Variants in KCTD1 observed in about 807,000 individuals in gnomAD.
KCTD1 encodes BTB/POZ domain-containing protein KCTD1.
In KCTD1, 24 loss-of-function variants were observed where a neutral mutation model predicts 66.0. The observed-to-expected ratio is 0.36, with a 90% CI of 0.26 to 0.51. KCTD1 has a LOEUF of 0.51. KCTD1 is among the 20% of genes least tolerant of loss of function. The pLI, the probability that KCTD1 is intolerant of heterozygous loss-of-function variation, is 0.95. For missense variants in KCTD1, 943 were observed against 1,205.2 expected, an observed-to-expected ratio of 0.78 and a Z score of 3.22; for synonymous variants, 511 against 517.2, an observed-to-expected ratio of 0.99 and a Z score of 0.16.
At position 26,564,289 on chromosome 18, in the gene KCTD1, T is replaced by C. The variant is rs186373602; in HGVS notation, c.-15-63039A>G. Among the ~76,000 whole-genome samples the C allele has an allele frequency of 3.4e-4, 52 of 152,154 alleles. 1 individual carries two copies. The highest frequency in any genetic ancestry group is 5.9e-5 in the Non-Finnish European group (4 of 68,020). ...AAGCTTGAGCAAGTCACTTTTCCAG[T>C]CAAATTCTGATTAACACAATATATA... On this transcript the variant is annotated intron_variant, in intron 1 of 4. Coordinates refer to the KCTD1 transcript ENST00000317932.
rs371418790 is a variant in KCTD1, at chr18:26,547,538, A to G, written c.999T>C (p.Ser333=). 11 of 1,551,532 alleles carry G rather than the reference A, an allele frequency of 7.1e-6. No homozygotes were observed. In the East Asian group the frequency reaches 2.4e-4, roughly 34 times the overall value. ...CGTCCTCGTCCATGGCCAGCCCAAAAGAGTCCTCCTCCAACTCACGCTGGT... is the reference window on the plus strand; with the variant it reads ...CGTCCTCGTCCATGGCCAGCCCAAAGGAGTCCTCCTCCAACTCACGCTGGT... The part of the protein sequence containing the change: ...RENQRELEED[S]FGLAMDEDGR... The change falls in exon 1 of 5, where the codon TCT becomes TCC. Residue 333 remains serine, a synonymous_variant. Coordinates refer to ENST00000580059, the MANE Select transcript of KCTD1 (RefSeq NM_001142730.3).
rs898556725 is a variant in KCTD1 at position 26,603,958 on chromosome 18, A to G, written c.-16+25189T>C. Among the ~76,000 whole-genome samples the G allele has an allele frequency of 2.0e-5, 3 of 152,222 alleles. No individual in the cohort carries two copies. The East Asian group carries it at 5.8e-4, about 29-fold the overall frequency. On this transcript the variant is annotated intron_variant, in intron 1 of 4. Transcript: ENST00000317932. ...GCACACAGAAAAAAGAAAGCTATCA[A>G]CAGAGTAAACAGACAACCTACAGAA...
At chr18:26,616,030 A>T (rs1464194431) in intron 1 of KCTD1, among the ~76,000 whole-genome samples, 7 of 151,990 alleles carry the variant, frequency 4.6e-5, no homozygotes, top group Admixed American at 4.6e-4. Flanking sequence ...ATCTCAGGTG[A>T]TCCGCCTGCC....
At chr18:26,532,760 A>G (rs1304177772) in intron 1 of KCTD1, among the ~76,000 whole-genome samples, 1 of 152,186 alleles carries the variant, frequency 6.6e-6, no homozygotes, top group African/African-American at 2.4e-5. Flanking sequence ...GTGGGACCCA[A>G]CTGATGGGGA....
At chr18:26,626,252 T>C (rs1987498664) in intron 1 of KCTD1, among the ~76,000 whole-genome samples, 1 of 152,116 alleles carries the variant, frequency 6.6e-6, no homozygotes, top group Non-Finnish European at 1.5e-5. Context: ...AGCTTAAGCC[T>C]ATGCCAGCAC....
chr18:26,567,504 T>TC (rs1986010718), intron 1 of KCTD1, among the ~76,000 whole-genome samples: 1 of 149,330 alleles, frequency 6.7e-6, no homozygotes, highest in African/African-American at 2.4e-5. Flanking sequence ...TTTTTTTTTT[T>TC]TGAGACACAG....
chr18:26,472,402 T>C (rs1981118284), intron 3 of KCTD1, among the ~76,000 whole-genome samples: 1 of 152,110 alleles, frequency 6.6e-6, no homozygotes, highest in Non-Finnish European at 1.5e-5. Context: ...TTTGACAACT[T>C]TATTTAAAAA....
In KCTD1 at chr18:26,584,825, G is replaced by A. The variant is rs1219943871; in HGVS notation, c.-16+44322C>T. Reference sequence around the variant, plus strand: ...AACTGAGTGCTGAAAATTGGCAGGAGTTAACCAGATCAGGAGAAAAAGGGA... The same window carrying A: ...AACTGAGTGCTGAAAATTGGCAGGAATTAACCAGATCAGGAGAAAAAGGGA... On this transcript the variant is annotated intron_variant, in intron 1 of 4. Transcript: ENST00000317932. Among the ~76,000 whole-genome samples the A allele has an allele frequency of 2.0e-5, 3 of 152,186 alleles. No homozygotes were observed. The East Asian group carries it at 5.8e-4, about 29-fold the overall frequency.
At chr18:26,480,621 A>G (rs1981591633) in intron 2 of KCTD1, among the ~76,000 whole-genome samples, 1 of 152,126 alleles carries the variant, frequency 6.6e-6, no homozygotes, top group Non-Finnish European at 1.5e-5. Context: ...TACAAAAATT[A>G]GCCGGGCGTG....
intron 1 of KCTD1, among the ~76,000 whole-genome samples, chr18:26,637,050 T>C (rs1987738930): frequency 1.3e-5 from 2 of 152,350 alleles, no homozygotes; most frequent in South Asian, 2.1e-4. Flanking sequence ...ACTCGCTCCC[T>C]CCAGAGCACC....
intron 3 of KCTD1, among the ~76,000 whole-genome samples, chr18:26,461,548 G>T (rs1022230908): frequency 3.9e-5 from 6 of 152,222 alleles, no homozygotes; most frequent in Non-Finnish European, 8.8e-5. Context: ...AGACAGGGCA[G>T]AACCGGGGCC....
At chr18:26,554,968 A>G (rs527698126) in intron 1 of KCTD1, among the ~76,000 whole-genome samples, 1 of 152,318 alleles carries the variant, frequency 6.6e-6, no homozygotes, top group African/African-American at 2.4e-5. Flanking sequence ...TTCTTTCTCT[A>G]TCTTCTAGTT....
chr18:26,513,828 A>G (rs1983482913), intron 1 of KCTD1, among the ~76,000 whole-genome samples: 1 of 152,238 alleles, frequency 6.6e-6, no homozygotes, highest in Admixed American at 6.5e-5. Context: ...AGAAAGGAGA[A>G]CTGGTCATGA....
At chr18:26,595,717 T>C (rs565659314) in intron 1 of KCTD1, among the ~76,000 whole-genome samples, 1 of 152,330 alleles carries the variant, frequency 6.6e-6, no homozygotes, top group Admixed American at 6.5e-5. Flanking sequence ...CTAAGTTTTG[T>C]ATTGAATAAG....
intron 1 of KCTD1, among the ~76,000 whole-genome samples, chr18:26,647,331 AC>A (rs56004377): frequency 5.1e-5 from 6 of 116,528 alleles, no homozygotes; most frequent in African/African-American, 1.7e-4. Flanking sequence ...AGATAGTGAA[AC>A]CCCCCCCCCA....
At chr18:26,615,814 G>A (rs983053075) in intron 1 of KCTD1, among the ~76,000 whole-genome samples, 2 of 152,092 alleles carry the variant, frequency 1.3e-5, no homozygotes, top group Admixed American at 1.3e-4. Context: ...TTTTGAGACA[G>A]AGTTTTGCTG....
upstream of KCTD1, among the ~76,000 whole-genome samples, chr18:26,644,827 T>C (rs1987902756): frequency 6.6e-6 from 1 of 151,346 alleles, no homozygotes; most frequent in African/African-American, 2.4e-5. Flanking sequence ...GCACTGAGGT[T>C]GAAAAGCAGG....
intron 1 of KCTD1, among the ~76,000 whole-genome samples, chr18:26,524,456 T>C (rs1223591637): frequency 6.6e-6 from 1 of 152,218 alleles, no homozygotes; most frequent in Non-Finnish European, 1.5e-5. Flanking sequence ...TATGTATTAT[T>C]TATACTTTTT....
intron 1 of KCTD1, chr18:26,575,438 G>C (rs1317333010): frequency 2.0e-5 from 3 of 152,190 alleles, no homozygotes; most frequent in African/African-American, 7.2e-5. Context: ...TCACGCCTGA[G>C]ACTGCGACCC....
Sources: gnomAD v4.1 joint callset for allele counts (sites outside exome capture counted in the v4.1 genomes callset) on GRCh38, gnomAD v4.1.1 for gene constraint, MANE v1.5 for transcripts, NCBI Gene and HGNC (gene_info 2026-07-23, HGNC 2026-07-21) for gene names.